The following B4GALT5 variants were observed in gnomAD, a reference collection of about 807,000 sequenced individuals.
The protein encoded by B4GALT5 is UDP-Gal:beta-GlcNAc beta-1,4-galactosyltransferase 5.
A neutral mutation model predicts 45.0 loss-of-function variants in B4GALT5; 11 were observed. The observed-to-expected ratio is 0.24, with a 90% confidence interval of 0.15 to 0.40. B4GALT5 has a LOEUF of 0.40. Ranked by LOEUF, B4GALT5 falls within the 10% of genes least tolerant of loss-of-function variation. The pLI, the probability that B4GALT5 is intolerant of heterozygous loss-of-function variation, is 1.00. For synonymous variants in B4GALT5, 185 were observed against 182.9 expected (o/e 1.01, Z -0.09); for missense variants, 337 against 500.2 (o/e 0.67, Z 3.11).
At chr20:49,704,594 C>T (rs2085876401) in intron 1 of B4GALT5, among the ~76,000 whole-genome samples, 1 of 150,958 alleles carries the variant, frequency 6.6e-6, no homozygotes, top group Non-Finnish European at 1.5e-5. Context: ...TGGCGGGCGC[C>T]TGTAGTCCCA....
At chr20:49,679,135 A>G (rs1568727807) in intron 1 of B4GALT5, among the ~76,000 whole-genome samples, 1 of 152,190 alleles carries the variant, frequency 6.6e-6, no homozygotes, top group African/African-American at 2.4e-5. Flanking sequence ...GGGATGACTC[A>G]ATAGATTATG....
intron 1 of B4GALT5, among the ~76,000 whole-genome samples, chr20:49,674,183 C>G (rs1348775549): frequency 1.4e-5 from 2 of 143,156 alleles, no homozygotes; most frequent in Non-Finnish European, 3.0e-5. Context: ...TGAGCCGAGA[C>G]TGTGTCACTG....
intron 1 of B4GALT5, among the ~76,000 whole-genome samples, chr20:49,707,083 G>T (rs950348629): frequency 6.6e-6 from 1 of 152,046 alleles, no homozygotes; most frequent in Non-Finnish European, 1.5e-5. Context: ...ATCATCTGCC[G>T]GCTAGGTATC....
intron 1 of B4GALT5, among the ~76,000 whole-genome samples, chr20:49,703,067 G>A (rs939803469): frequency 1.0e-4 from 15 of 148,554 alleles, no homozygotes; most frequent in Non-Finnish European, 1.9e-4. Context: ...CCAGCTACTC[G>A]ACAGTCTGAG....
intron 1 of B4GALT5, 88 bp downstream of exon 1, chr20:49,713,488 G>C (rs1314434685): frequency 3.6e-6 from 5 of 1,379,420 alleles, no homozygotes; most frequent in Non-Finnish European, 4.9e-6. Context: ...GCCGCCTCCC[G>C]GCCGGGGCCC....
At chr20:49,679,105 T>C (rs1413719458) in intron 1 of B4GALT5, among the ~76,000 whole-genome samples, 1 of 152,202 alleles carries the variant, frequency 6.6e-6, no homozygotes, top group South Asian at 2.1e-4. Context: ...ACTTTCATTA[T>C]AGCTGACTGC....
chr20:49,636,338 C>G lies in B4GALT5; in HGVS notation c.1141G>C (p.Glu381Gln). The change falls in exon 9 of 9, where the codon GAG becomes CAG. Residue 381 changes from glutamate (E) to glutamine (Q), a missense_variant. Coordinates refer to ENST00000371711, the MANE Select transcript of B4GALT5 (RefSeq NM_004776.4). ...CAGTACTCGTTCACCTGAGCCAGCT[C>G]GGGTGTCAGGTTGACAGTTATGTTT... ...YKNITVNLTPELAQVNEY is the reference protein window; with the variant it reads ...YKNITVNLTPQLAQVNEY 1 of 1,614,052 alleles carries G rather than the reference C, an allele frequency of 6.2e-7. No individual in the cohort carries two copies. Among genetic ancestry groups the G allele is most frequent in the Non-Finnish European group, 8.5e-7 (1 of 1,180,012 alleles).
chr20:49,650,180 C>CA (rs1203822870), intron 2 of B4GALT5, among the ~76,000 whole-genome samples: 6 of 149,518 alleles, frequency 4.0e-5, no homozygotes, highest in Admixed American at 1.3e-4. Flanking sequence ...TAGCATGAAA[C>CA]AAAAAAAAAG....
intron 1 of B4GALT5, among the ~76,000 whole-genome samples, chr20:49,681,591 C>T (rs765762141): frequency 1.3e-5 from 2 of 152,216 alleles, no homozygotes; most frequent in Non-Finnish European, 2.9e-5. Context: ...TCCCTGCCAT[C>T]TCCACTCAGA....
chr20:49,647,647 C>T (rs958433804), intron 2 of B4GALT5, among the ~76,000 whole-genome samples: 1 of 152,190 alleles, frequency 6.6e-6, no homozygotes, highest in East Asian at 1.9e-4. Flanking sequence ...TACTAGTCGT[C>T]GCTGAGAAAT....
chr20:49,678,508 C>G (rs1374570749), intron 1 of B4GALT5, among the ~76,000 whole-genome samples: 1 of 152,176 alleles, frequency 6.6e-6, no homozygotes, highest in African/African-American at 2.4e-5. Context: ...TGGTGGTGTG[C>G]ATGCTGCCTC....
At chr20:49,641,187 G>A (rs1325318080) in intron 5 of B4GALT5, among the ~76,000 whole-genome samples, 4 of 152,124 alleles carry the variant, frequency 2.6e-5, no homozygotes, top group African/African-American at 7.2e-5. Context: ...GATAGCAAAC[G>A]CAAGCTTCTC....
At chr20:49,692,081 T>C (rs2085815318) in intron 1 of B4GALT5, among the ~76,000 whole-genome samples, 1 of 152,096 alleles carries the variant, frequency 6.6e-6, no homozygotes, top group South Asian at 2.1e-4. Context: ...CCTCAGACAG[T>C]AATTCAACCA....
chr20:49,713,180 C>A (rs1259506895), intron 1 of B4GALT5, among the ~76,000 whole-genome samples: 1 of 150,694 alleles, frequency 6.6e-6, no homozygotes, highest in Non-Finnish European at 1.5e-5. Context: ...GCGGGGAATG[C>A]CGGGAATGGG....
intron 4 of B4GALT5, among the ~76,000 whole-genome samples, chr20:49,642,840 C>T (rs1250462240): frequency 6.6e-6 from 1 of 152,224 alleles, no homozygotes; most frequent in Non-Finnish European, 1.5e-5. Context: ...CATAGGAAAA[C>T]ACACATTCTA....
At chr20:49,703,727 A>AAAAAAAAAAAAAAT (rs1568735763) in intron 1 of B4GALT5, among the ~76,000 whole-genome samples, 2 of 20,508 alleles carry the variant, frequency 9.8e-5, no homozygotes, top group African/African-American at 2.5e-4. Context: ...CATTTCTACT[A>AAAAAAAAAAAAAAT]AAAAAAAAAA....
intron 1 of B4GALT5, among the ~76,000 whole-genome samples, chr20:49,679,268 C>A (rs1021829041): frequency 2.0e-5 from 3 of 152,052 alleles, no homozygotes; most frequent in Non-Finnish European, 4.4e-5. Flanking sequence ...TTTGCTGTTT[C>A]GTTGTTGTTG....
Position 49,701,112 on chromosome 20 carries a change from T to C in B4GALT5, c.115+12464A>G, listed in dbSNP as rs567225003. Among the ~76,000 whole-genome samples the C allele has an allele frequency of 2.3e-4, 35 of 152,354 alleles. No homozygotes were observed. The South Asian group carries it at 6.4e-3, about 28-fold the overall frequency. On this transcript the variant is annotated intron_variant, in intron 1 of 8. Transcript: ENST00000371711. ...AGTGATACACTGTCTGCTTTGTTCA[T>C]CACTGTATCCTTCAAGTCTAGCACA...
intron 1 of B4GALT5, among the ~76,000 whole-genome samples, chr20:49,659,402 C>A (rs2085656223): frequency 6.6e-6 from 1 of 152,228 alleles, no homozygotes; most frequent in Non-Finnish European, 1.5e-5. Flanking sequence ...AGTCTCCCCC[C>A]TTCTCCAGTT....
Sources: gnomAD v4.1 joint callset for allele counts (sites outside exome capture counted in the v4.1 genomes callset) on GRCh38, gnomAD v4.1.1 for gene constraint, MANE v1.5 for transcripts, NCBI Gene and HGNC (gene_info 2026-07-23, HGNC 2026-07-21) for gene names.